The following TMCO4 variants were observed in gnomAD, a reference collection of about 807,000 sequenced individuals.
The protein encoded by TMCO4 is transmembrane and coiled-coil domains 4, also known as transmembrane and coiled-coil domain-containing protein 4.
A neutral mutation model predicts 64.7 loss-of-function variants in TMCO4; 58 were observed. The ratio of observed to expected loss-of-function variants is 0.90; its 90% confidence interval spans 0.73 to 1.12. The LOEUF is 1.12. Ranked by LOEUF, TMCO4 falls within the 50% of genes most tolerant of loss-of-function variation. The pLI, the probability that TMCO4 is intolerant of heterozygous loss-of-function variation, is 0.00. For missense variants in TMCO4, 780 were observed against 825.9 expected, an observed-to-expected ratio of 0.94 and a Z score of 0.68; for synonymous variants, 325 against 346.1, an observed-to-expected ratio of 0.94 and a Z score of 0.68.
At chr1:19,715,783 C>G (rs1459092248) in intron 13 of TMCO4, among the ~76,000 whole-genome samples, 1 of 152,196 alleles carries the variant, frequency 6.6e-6, no homozygotes, top group Non-Finnish European at 1.5e-5. Context: ...GAGCTGCCAC[C>G]AGGTGGTGCT....
chr1:19,728,494 A>G (rs12562603), intron 13 of TMCO4, among the ~76,000 whole-genome samples: 1 of 152,192 alleles, frequency 6.6e-6, no homozygotes, highest in East Asian at 1.9e-4. Context: ...TTTTCAAGGC[A>G]TTTTCACCAG....
intron 7 of TMCO4, 89 bp downstream of exon 7, chr1:19,755,545 T>A: frequency 6.4e-7 from 1 of 1,553,646 alleles, no homozygotes; most frequent in Non-Finnish European, 8.7e-7. Context: ...CTACACCATC[T>A]CTTAAAGGGA....
At chr1:19,746,396 A>G in intron 9 of TMCO4, 60 bp downstream of exon 9, 1 of 1,600,008 alleles carries the variant, frequency 6.2e-7, no homozygotes, top group Non-Finnish European at 8.5e-7. Context: ...ATGTCCTTTT[A>G]GGAACTGGGC....
intron 12 of TMCO4, among the ~76,000 whole-genome samples, chr1:19,739,303 T>G (rs1363215314): frequency 6.6e-6 from 1 of 152,206 alleles, no homozygotes; most frequent in East Asian, 1.9e-4. Flanking sequence ...TCCTAACCAT[T>G]TTACATGGTA....
chr1:19,773,538 T>G (rs757593914), intron 4 of TMCO4, among the ~76,000 whole-genome samples: 1 of 152,182 alleles, frequency 6.6e-6, no homozygotes, highest in Non-Finnish European at 1.5e-5. Context: ...TCCCTTCAGC[T>G]GAGGCAGGCC....
At chr1:19,790,390 A>G (rs2043972769) in intron 2 of TMCO4, among the ~76,000 whole-genome samples, 1 of 152,142 alleles carries the variant, frequency 6.6e-6, no homozygotes, top group African/African-American at 2.4e-5. Flanking sequence ...CAACCTACAG[A>G]GTGGGAGAAA....
intron 6 of TMCO4, among the ~76,000 whole-genome samples, chr1:19,762,207 C>T (rs574298223): frequency 8.5e-5 from 13 of 152,272 alleles, no homozygotes; most frequent in Non-Finnish European, 1.8e-4. Context: ...AGGACAATCT[C>T]GTTTGGCCAG....
At chr1:19,686,660 AGCC>A (rs1250645356) in intron 15 of TMCO4, among the ~76,000 whole-genome samples, 1 of 152,206 alleles carries the variant, frequency 6.6e-6, no homozygotes, top group Non-Finnish European at 1.5e-5. Flanking sequence ...GTCAAGGCAC[AGCC>A]AGTGCCCCTC....
chr1:19,736,900 C>G (rs987520082), intron 13 of TMCO4, among the ~76,000 whole-genome samples: 6 of 152,146 alleles, frequency 3.9e-5, no homozygotes, highest in African/African-American at 1.4e-4. Flanking sequence ...TGAGAGTGGG[C>G]CCTAAATCCA....
rs1205660198 is a variant in TMCO4, at chr1:19,755,761, A to C, written c.388T>G (p.Tyr130Asp). The C allele has an allele frequency of 6.2e-7, 1 of 1,613,938 alleles. No individual in the cohort carries two copies. Among genetic ancestry groups the C allele is most frequent in the Admixed American group, 1.7e-5 (1 of 59,988 alleles). ...ACGAGGACTCTGGCCCGGGCGTCAT[A>C]GTGCCCTCGAAAGACAGAAACAACA... Reference protein sequence around the residue: ...LLSFSLKDGHYDARARVLVCH... With the variant: ...LLSFSLKDGHDDARARVLVCH... The change falls in exon 7 of 16, where the codon TAT becomes GAT. Residue 130 changes from tyrosine (Y) to aspartate (D), a missense_variant. Tyr to Asp is a radical substitution (Grantham distance 160). Coordinates refer to ENST00000294543, the MANE Select transcript of TMCO4 (RefSeq NM_181719.7).
In TMCO4 at chr1:19,747,152, G is replaced by C. The variant is rs1274526334; in HGVS notation, c.613+11C>G. ...ACCCAGACGTGTGCCACCATCTCTA[G>C]CTGGACTCACCGATCACCGTTCCGC... On this transcript the variant is annotated intron_variant, in intron 8 of 15. Coordinates refer to ENST00000294543, the MANE Select transcript of TMCO4 (RefSeq NM_181719.7). 14 of 1,613,126 alleles carry C rather than the reference G, an allele frequency of 8.7e-6. No homozygotes were observed. The highest frequency in any genetic ancestry group is 1.1e-5 in the Non-Finnish European group (13 of 1,179,326).
intron 13 of TMCO4, among the ~76,000 whole-genome samples, chr1:19,713,751 TC>T (rs1265130395): frequency 6.6e-6 from 1 of 152,044 alleles, no homozygotes; most frequent in Non-Finnish European, 1.5e-5. Context: ...AAAAACATGC[TC>T]CTTGAAGCGC....
chr1:19,702,829 GC>G (rs10709290), intron 13 of TMCO4, among the ~76,000 whole-genome samples: 55,664 of 152,126 alleles, frequency 0.37, 10,768 homozygotes, highest in South Asian at 0.43. Context: ...AAATAGAGAA[GC>G]CAACATGTCT....
chr1:19,682,932 G>C lies in TMCO4; in HGVS notation c.*108C>G, dbSNP rs1156936066. On this transcript the variant is annotated 3_prime_UTR_variant, in exon 16 of 16. Transcript: ENST00000294543. Reference sequence around the variant, plus strand: ...GTTCCAATTCCTTCCATTTAGGAAAGAGGCCTGTGGAAATCCTGTACCTCC... The same window carrying C: ...GTTCCAATTCCTTCCATTTAGGAAACAGGCCTGTGGAAATCCTGTACCTCC... 15 of 1,356,646 alleles carry C rather than the reference G, an allele frequency of 1.1e-5. No individual in the cohort carries two copies. The highest frequency in any genetic ancestry group is 1.0e-4 in the African/African-American group (7 of 68,398). 84.0% of individuals were successfully genotyped at this position (1,356,646 alleles called of 1,614,324 possible).
At chr1:19,769,618 T>A (rs190796512) in intron 6 of TMCO4, among the ~76,000 whole-genome samples, 4 of 152,268 alleles carry the variant, frequency 2.6e-5, no homozygotes, top group African/African-American at 9.6e-5. Context: ...AGAATAAACA[T>A]CAGAGGTCAC....
At chr1:19,797,384 G>C (rs942593281) in intron 2 of TMCO4, among the ~76,000 whole-genome samples, 10 of 152,140 alleles carry the variant, frequency 6.6e-5, no homozygotes, top group Non-Finnish European at 1.3e-4. Context: ...ATGTTACCTG[G>C]GAAAAGGGAG....
chr1:19,733,420 G>C (rs2095438693), intron 13 of TMCO4, among the ~76,000 whole-genome samples: 1 of 152,190 alleles, frequency 6.6e-6, no homozygotes, highest in African/African-American at 2.4e-5. Context: ...CTGACACACA[G>C]AATCGATTCC....
At position 19,683,278 on chromosome 1, in the gene TMCO4, G is replaced by C; in HGVS notation, c.1667C>G (p.Pro556Arg). The change falls in exon 16 of 16, where the codon CCC becomes CGC. Residue 556 changes from proline (P) to arginine (R), a missense_variant. Pro to Arg is a moderately radical substitution (Grantham distance 103). Coordinates refer to ENST00000294543, the MANE Select transcript of TMCO4 (RefSeq NM_181719.7). The stretch of plus-strand genomic sequence containing the variant: ...ACCCTGGGTTTGCCCAACCTGGTGG[G>C]GGGTCTCGCCTGATGAGGCGGCAGC... Reference protein sequence around the residue: ...AAAAASSGETPHQVGQTQGPI... With the variant: ...AAAAASSGETRHQVGQTQGPI... The C allele has an allele frequency of 6.2e-7, 1 of 1,614,148 alleles. No individual in the cohort carries two copies. Among genetic ancestry groups the C allele is most frequent in the Non-Finnish European group, 8.5e-7 (1 of 1,180,000 alleles).
At position 19,780,580 on chromosome 1, in the gene TMCO4, C is replaced by G; in HGVS notation, c.179G>C (p.Ser60Thr). 6.3e-6 allele frequency: 10 copies of G among 1,594,386 alleles called. No homozygotes were observed. The highest frequency in any genetic ancestry group is 8.5e-6 in the Non-Finnish European group (10 of 1,171,152). ...LSQLFPEPEH[S>T]SFCTEFMAGL... ...CCCACTGCAAGACAGAAGAACTCACCTGTGTTCGGGTTCAGGAAATAACTG... is the reference window on the plus strand; with the variant it reads ...CCCACTGCAAGACAGAAGAACTCACGTGTGTTCGGGTTCAGGAAATAACTG... Residue 60 changes from serine (S) to threonine (T), a missense_variant and splice_region_variant, in exon 4 of 16, where the codon AGC becomes ACC. Physicochemically the swap from Ser to Thr is moderately conservative, Grantham distance 58 (BLOSUM62 1). Coordinates refer to ENST00000294543, the MANE Select transcript of TMCO4 (RefSeq NM_181719.7).
Sources: allele counts gnomAD v4.1 joint callset (sites outside exome capture counted in the v4.1 genomes callset), GRCh38; gene constraint gnomAD v4.1.1; transcripts MANE v1.5; gene names NCBI Gene and HGNC (gene_info 2026-07-23, HGNC 2026-07-21).